Variants in OSBPL5 observed in about 807,000 individuals in gnomAD.
OSBPL5 encodes the protein oxysterol binding protein like 5.
Under a neutral mutation model 111.2 loss-of-function variants are expected in OSBPL5, and 71 were observed. The ratio of observed to expected loss-of-function variants is 0.64; its 90% CI spans 0.53 to 0.78. OSBPL5 has a LOEUF of 0.78. Ranked by LOEUF, OSBPL5 falls within the 30% of genes least tolerant of loss-of-function variation. The probability of loss-of-function intolerance (pLI) is 0.00; values close to 1 mark genes in which losing one functional copy is unlikely to be tolerated. For synonymous variants in OSBPL5, 549 were observed against 513.9 expected, an observed-to-expected ratio of 1.07 and a Z score of -0.93; for missense variants, 1,210 against 1,189.3, an observed-to-expected ratio of 1.02 and a Z score of -0.26.
At chr11:3,090,842 A>C in intron 19 of OSBPL5, 146 bp from the exon 20 acceptor site, 1 of 1,108,544 alleles carries the variant, frequency 9.0e-7, no homozygotes, top group Non-Finnish European at 1.3e-6. Flanking sequence ...AGCTGGCTGG[A>C]GGGGTCTGTC....
Position 3,088,114 on chromosome 11 carries a change from G to T in OSBPL5, c.*91C>A. The T allele has an allele frequency of 8.0e-7, 1 of 1,252,236 alleles. No homozygotes were observed. The highest frequency in any genetic ancestry group is 2.7e-5 in the East Asian group (1 of 36,852). The allele number at this position is 1,252,236 out of a possible 1,614,324, so 77.6% of individuals were successfully genotyped here. On this transcript the variant is annotated 3_prime_UTR_variant, in exon 22 of 22. Transcript: ENST00000263650. ...CCCCGTCACAGTGGCTGTGCTTGCC[G>T]GGCCTCTCTGCCTCCATGGAGCAGG...
Position 3,147,000 on chromosome 11 carries a change from C to G in OSBPL5, c.-21-17831G>C, listed in dbSNP as rs1190494084. On this transcript the variant is annotated intron_variant, in intron 1 of 21. Coordinates refer to ENST00000263650, the MANE Select transcript of OSBPL5 (RefSeq NM_020896.4). The surrounding 1 kb of genome is among the most constrained non-coding windows in gnomAD (Gnocchi z 7.8). Reference sequence around the variant, plus strand: ...CGACCCTCCTGAGCTAAACGCACAGCCCGCACCTTGTTAGCTCTGGGTGGG... The same window carrying G: ...CGACCCTCCTGAGCTAAACGCACAGGCCGCACCTTGTTAGCTCTGGGTGGG... Among the ~76,000 whole-genome samples, 1 of 152,212 alleles carries G rather than the reference C, an allele frequency of 6.6e-6. No homozygotes were observed. The highest frequency in any genetic ancestry group is 2.4e-5 in the African/African-American group (1 of 41,464).
intron 14 of OSBPL5, 32 bp downstream of exon 14, chr11:3,100,126 C>T (rs1478771499): frequency 1.2e-6 from 2 of 1,602,706 alleles, no homozygotes; most frequent in South Asian, 2.2e-5. Context: ...GAGCCTGGCT[C>T]TGCCCTCGGA....
At chr11:3,100,516 G>A (rs1857415655) in intron 13 of OSBPL5, among the ~76,000 whole-genome samples, 1 of 152,240 alleles carries the variant, frequency 6.6e-6, no homozygotes, top group Non-Finnish European at 1.5e-5. Flanking sequence ...TCGCAAAACT[G>A]CAGATTCGCA....
At chr11:3,089,988 G>T in intron 20 of OSBPL5, 40 bp from the exon 21 acceptor site, 1 of 1,448,026 alleles carries the variant, frequency 6.9e-7, no homozygotes. Context: ...GGGAGGGGAG[G>T]AGTGAGGATG....
rs559694063 is a variant in OSBPL5, at chr11:3,146,781, G to C, written c.-21-17612C>G. 6.6e-6 allele frequency: 1 copy of C among 152,188 alleles called. No homozygotes were observed. The highest frequency in any genetic ancestry group is 6.5e-5 in the Admixed American group (1 of 15,286). 9.4% of individuals were successfully genotyped at this position (152,188 alleles called of 1,614,324 possible). ...AGTTGGCCTTTGTACAGCCTGTCCC[G>C]AAGCGGCCTGGCACAGGGCAGCAGA... On this transcript the variant is annotated intron_variant, in intron 1 of 21. Transcript: ENST00000263650. The surrounding 1 kb of genome is among the most constrained non-coding windows in gnomAD (Gnocchi z 7.8).
chr11:3,122,128 G>A (rs1487482169), intron 4 of OSBPL5, 30 bp from the exon 5 acceptor site: 1 of 1,537,312 alleles, frequency 6.5e-7, no homozygotes, highest in Non-Finnish European at 8.7e-7. Context: ...GGTGGGTCAT[G>A]GGAGAAGGCA....
intron 11 of OSBPL5, among the ~76,000 whole-genome samples, chr11:3,102,722 G>C (rs1857500559): frequency 6.6e-6 from 1 of 152,150 alleles, no homozygotes; most frequent in Admixed American, 6.5e-5. Flanking sequence ...CCACGGTCGT[G>C]GTTTTCAAAC....
rs1205326002 is a variant in OSBPL5, at chr11:3,142,918, G to C, written c.-21-13749C>G. Among the ~76,000 whole-genome samples, 2 of 151,010 alleles carry C rather than the reference G, an allele frequency of 1.3e-5. No individual in the cohort carries two copies. The highest frequency in any genetic ancestry group is 4.2e-4 in the South Asian group (2 of 4,712). On this transcript the variant is annotated intron_variant, in intron 1 of 21. Transcript: ENST00000263650. The surrounding 1 kb of genome is among the most constrained non-coding windows in gnomAD (Gnocchi z 7.1). Reference sequence around the variant, plus strand: ...CAGGACAGCGGACGGCACACGGGGTGGGGGTGTGTGAGCAGAGACCCTTGG... The same window carrying C: ...CAGGACAGCGGACGGCACACGGGGTCGGGGTGTGTGAGCAGAGACCCTTGG...
rs112350690 is a variant in OSBPL5 at position 3,130,992 on chromosome 11, C to A, written c.-21-1823G>T. ...GTGAGCAGCGATCCTGCTCTCAGGA[C>A]CCACAGAGAGCCCCGGAATGTCCCA... On this transcript the variant is annotated intron_variant, in intron 1 of 21. Coordinates refer to ENST00000263650, the MANE Select transcript of OSBPL5 (RefSeq NM_020896.4). This position sits in a 1 kb window ranked among gnomAD's most constrained non-coding sequence, Gnocchi z 4.5. 6.6e-6 allele frequency among the ~76,000 whole-genome samples: 1 copy of A among 152,130 alleles called. No individual in the cohort carries two copies. Among genetic ancestry groups the A allele is most frequent in the African/African-American group, 2.4e-5 (1 of 41,410 alleles).
chr11:3,099,876 C>T (rs1414213986), intron 14 of OSBPL5, among the ~76,000 whole-genome samples: 4 of 152,144 alleles, frequency 2.6e-5, no homozygotes, highest in Admixed American at 6.5e-5. Flanking sequence ...CGAGATCAGC[C>T]TGACCAACAT....
chr11:3,132,977 C>A (rs1305182451), intron 1 of OSBPL5, among the ~76,000 whole-genome samples: 1 of 151,580 alleles, frequency 6.6e-6, no homozygotes, highest in Non-Finnish European at 1.5e-5. Context: ...GTGCAGCAGG[C>A]ACTCCCCATT....
At chr11:3,122,569 C>T in intron 3 of OSBPL5, 141 bp from the exon 4 acceptor site, 1 of 682,714 alleles carries the variant, frequency 1.5e-6, no homozygotes, top group Non-Finnish European at 2.4e-6. Flanking sequence ...CACCCTCCAT[C>T]CCCCCCACCA....
chr11:3,145,335 G>T (rs755542313), intron 1 of OSBPL5, among the ~76,000 whole-genome samples: 17 of 152,170 alleles, frequency 1.1e-4, no homozygotes, highest in Non-Finnish European at 2.1e-4. Context: ...CCTCAGCAGG[G>T]CCCACAATTC....
rs572894526 is a variant in OSBPL5 at position 3,164,715 on chromosome 11, A to G, written c.-22+501T>C. Among the ~76,000 whole-genome samples the G allele has an allele frequency of 2.0e-5, 3 of 152,264 alleles. No homozygotes were observed. In the South Asian group the frequency reaches 6.2e-4, roughly 32 times the overall value. On this transcript the variant is annotated intron_variant, in intron 1 of 21. Coordinates refer to ENST00000263650, the MANE Select transcript of OSBPL5 (RefSeq NM_020896.4). ...GGACTCAGACACAGCAGTCCTCCCA[A>G]GCCCGCAGCTGGGACGCCAGACTCA...
At chr11:3,103,718 G>C (rs9736518) in intron 10 of OSBPL5, among the ~76,000 whole-genome samples, 43,068 of 78,282 alleles carry the variant, frequency 0.55, 9,653 homozygotes, top group South Asian at 0.58. Context: ...CCCCTTCCAG[G>C]CTCTGCTGCC....
At position 3,089,738 on chromosome 11, in the gene OSBPL5, A is replaced by T; in HGVS notation, c.2501+108T>A. 4 of 1,012,322 alleles carry T rather than the reference A, an allele frequency of 4.0e-6. No individual in the cohort carries two copies. In the South Asian group the frequency reaches 5.7e-5, roughly 14 times the overall value. 62.7% of individuals were successfully genotyped at this position (1,012,322 alleles called of 1,614,324 possible). A position where few individuals can be genotyped will look rare whatever the true frequency, so the allele number is the denominator to read the frequency against. On this transcript the variant is annotated intron_variant, in intron 21 of 21. Coordinates refer to ENST00000263650, the MANE Select transcript of OSBPL5 (RefSeq NM_020896.4). ...GGTCTTGTGGGTTCCAGCTCCGATGACAACCCCAGCCGCGGCCTCCTGGCC... is the reference window on the plus strand; with the variant it reads ...GGTCTTGTGGGTTCCAGCTCCGATGTCAACCCCAGCCGCGGCCTCCTGGCC...
At position 3,154,109 on chromosome 11, in the gene OSBPL5, C is replaced by T. The variant is rs1846676207; in HGVS notation, c.-22+11107G>A. ...GTGTGTGGCCCCTTATCCACTCTCC[C>T]TGGGAGGAAAGGCCCCGTGTGGTGT... On this transcript the variant is annotated intron_variant, in intron 1 of 21. Transcript: ENST00000263650. The surrounding 1 kb of genome is among the most constrained non-coding windows in gnomAD (Gnocchi z 4.9). Among the ~76,000 whole-genome samples the T allele has an allele frequency of 6.6e-6, 1 of 152,244 alleles. No homozygotes were observed. The highest frequency in any genetic ancestry group is 2.4e-5 in the African/African-American group (1 of 41,462).
In OSBPL5 at chr11:3,104,485, G is replaced by A. The variant is rs1176897134; in HGVS notation, c.1060-108C>T. 3 of 1,270,274 alleles carry A rather than the reference G, an allele frequency of 2.4e-6. No individual in the cohort carries two copies. The highest frequency in any genetic ancestry group is 3.2e-6 in the Non-Finnish European group (3 of 934,080). 78.7% of individuals were successfully genotyped at this position (1,270,274 alleles called of 1,614,324 possible). ...GGAGGCTGTACCTGCCACCCCTTAG[G>A]GTGTAAACCCCTGACCTGGCCTCCA... is the stretch of plus-strand genomic sequence containing the variant. On this transcript the variant is annotated intron_variant, in intron 9 of 21. Coordinates refer to ENST00000263650, the MANE Select transcript of OSBPL5 (RefSeq NM_020896.4). This position sits in a 1 kb window ranked among gnomAD's most constrained non-coding sequence, Gnocchi z 5.0.
Sources: gnomAD v4.1 joint callset for allele counts (sites outside exome capture counted in the v4.1 genomes callset) on GRCh38, gnomAD v4.1.1 for gene constraint, Gnocchi (gnomAD v3.1) non-coding constraint, MANE v1.5 for transcripts, NCBI Gene and HGNC (gene_info 2026-07-23, HGNC 2026-07-21) for gene names.